Variants in WIPF1 observed in about 807,000 individuals in gnomAD.
WIPF1 encodes WAS/WASL interacting protein family member 1, also known as WAS/WASL-interacting protein family member 1.
In WIPF1, 13 loss-of-function variants were observed where a neutral mutation model predicts 35.4. The observed-to-expected ratio is 0.37, with a 90% CI of 0.24 to 0.58. WIPF1 has a LOEUF of 0.58. Among genes scored for constraint, WIPF1 ranks in the 20% least tolerant of loss-of-function variants. The pLI, the probability that WIPF1 is intolerant of heterozygous loss-of-function variation, is 0.74. For missense variants in WIPF1, 591 were observed against 667.0 expected (o/e 0.89, Z 1.25); for synonymous variants, 267 against 266.3 (o/e 1.00, Z -0.02).
intron 1 of WIPF1, among the ~76,000 whole-genome samples, chr2:174,595,109 A>AAAAATATAT (rs1553529785): frequency 1.7e-5 from 1 of 57,750 alleles, no homozygotes; most frequent in African/African-American, 9.0e-5. Flanking sequence ...AAAAAAAAAA[A>AAAAATATAT]ATATATATAT....
At chr2:174,593,240 CTCTCTGTG>C (rs1280204132) in intron 1 of WIPF1, among the ~76,000 whole-genome samples, 1 of 152,158 alleles carries the variant, frequency 6.6e-6, no homozygotes, top group Non-Finnish European at 1.5e-5. Flanking sequence ...CTCCCTCTCT[CTCTCTGTG>C]TCACACATAC....
rs147080064 is a variant in WIPF1, at chr2:174,637,539, G to A, written c.-39+45235C>T. ...CCAGTGGCTCACGCCTGTAATCCCA[G>A]CACTTTGGGAGGCCTAGGCGGGTGG... On this transcript the variant is annotated intron_variant, in intron 1 of 8. Transcript: ENST00000272746. Among the ~76,000 whole-genome samples the A allele has an allele frequency of 3.2e-4, 48 of 152,308 alleles. 1 individual carries two copies. The highest frequency in any genetic ancestry group is 1.0e-3 in the African/African-American group (43 of 41,572).
At chr2:174,660,064 TC>T (rs1311123474) in intron 1 of WIPF1, among the ~76,000 whole-genome samples, 2 of 152,184 alleles carry the variant, frequency 1.3e-5, no homozygotes, top group African/African-American at 4.8e-5. Context: ...GTAGAACTGC[TC>T]CCCAAGAGCT....
intron 1 of WIPF1, among the ~76,000 whole-genome samples, chr2:174,664,884 C>T (rs1273838480): frequency 6.6e-6 from 1 of 152,138 alleles, no homozygotes; most frequent in African/African-American, 2.4e-5. Context: ...CCTTTCGCCT[C>T]GGCCTCCAAA....
chr2:174,601,921 G>A (rs747552032), upstream of WIPF1, among the ~76,000 whole-genome samples: 8 of 152,198 alleles, frequency 5.3e-5, no homozygotes, highest in Non-Finnish European at 7.3e-5. Context: ...TTTCAGGTTC[G>A]GGTGATACCA....
intron 1 of WIPF1, among the ~76,000 whole-genome samples, chr2:174,619,204 C>G (rs1312477440): frequency 6.6e-6 from 1 of 152,220 alleles, no homozygotes; most frequent in Non-Finnish European, 1.5e-5. Flanking sequence ...CCACCTCAGC[C>G]TCCAAAGCAT....
intron 1 of WIPF1, among the ~76,000 whole-genome samples, chr2:174,641,319 C>T (rs1037525818): frequency 2.0e-5 from 3 of 152,180 alleles, no homozygotes; most frequent in Non-Finnish European, 4.4e-5. Flanking sequence ...AATATTGATG[C>T]TGAGGGGTTG....
intron 5 of WIPF1, 147 bp from the exon 6 acceptor site, chr2:174,568,220 A>G (rs1174858461): frequency 2.1e-6 from 2 of 936,052 alleles, no homozygotes; most frequent in Non-Finnish European, 3.1e-6. Context: ...AGAAATGAGT[A>G]AACACACAGA....
At chr2:174,595,109 A>AAAAAAATATATATATATAT (rs1553529785) in intron 1 of WIPF1, among the ~76,000 whole-genome samples, 1 of 57,750 alleles carries the variant, frequency 1.7e-5, no homozygotes, top group African/African-American at 9.0e-5. Flanking sequence ...AAAAAAAAAA[A>AAAAAAATATATATATATAT]ATATATATAT....
At chr2:174,569,194 T>G (rs1406653623) in intron 5 of WIPF1, among the ~76,000 whole-genome samples, 1 of 152,184 alleles carries the variant, frequency 6.6e-6, no homozygotes, top group East Asian at 1.9e-4. Flanking sequence ...CAGAATCCAA[T>G]TAGGAACCTT....
At chr2:174,583,735 T>C (rs539638652) in intron 2 of WIPF1, among the ~76,000 whole-genome samples, 14 of 152,336 alleles carry the variant, frequency 9.2e-5, no homozygotes, top group African/African-American at 2.9e-4. Context: ...GCCCACACTT[T>C]TGGGGAAACA....
chr2:174,615,020 C>A (rs1041084328), intron 1 of WIPF1, among the ~76,000 whole-genome samples: 2 of 152,146 alleles, frequency 1.3e-5, no homozygotes, highest in Non-Finnish European at 2.9e-5. Flanking sequence ...AGAACAATAG[C>A]GACATATATT....
intron 1 of WIPF1, among the ~76,000 whole-genome samples, chr2:174,656,720 C>T (rs1281221983): frequency 2.0e-5 from 3 of 152,296 alleles, no homozygotes; most frequent in African/African-American, 7.2e-5. Context: ...CTCTTACTTG[C>T]CAGCAGAGCA....
intron 3 of WIPF1, among the ~76,000 whole-genome samples, chr2:174,580,505 T>G (rs1685201151): frequency 6.6e-6 from 1 of 152,220 alleles, no homozygotes; most frequent in African/African-American, 2.4e-5. Flanking sequence ...ATCCATCTGG[T>G]GATTTTGGAA....
rs1685389517 is a variant in WIPF1, at chr2:174,585,565, G to A, written c.9C>T (p.Val3=). 1.2e-6 allele frequency: 2 copies of A among 1,611,632 alleles called. No homozygotes were observed. MP[V]PPPPAPPPPP... ...GCGGCGGGGGTGCTGGAGGGGGAGG[G>A]ACAGGCATCTTGGGCAGTTATGCGT... Residue 3 remains valine (V), a synonymous_variant, in exon 2 of 8, where the codon GTC becomes GTT. Coordinates refer to ENST00000679041, the MANE Select transcript of WIPF1 (RefSeq NM_001375834.1).
intron 1 of WIPF1, among the ~76,000 whole-genome samples, chr2:174,593,966 G>C (rs1685715300): frequency 6.6e-6 from 1 of 152,222 alleles, no homozygotes. Context: ...GCAGAGAAGA[G>C]GAAAACAGCT....
chr2:174,607,348 A>G (rs1686201508), intron 1 of WIPF1, among the ~76,000 whole-genome samples: 1 of 152,124 alleles, frequency 6.6e-6, no homozygotes, highest in South Asian at 2.1e-4. Flanking sequence ...GGTTGCAGTG[A>G]GCCGAGATCG....
intron 1 of WIPF1, among the ~76,000 whole-genome samples, chr2:174,647,582 C>A (rs1046334481): frequency 1.3e-5 from 2 of 151,010 alleles, no homozygotes; most frequent in African/African-American, 4.9e-5. Flanking sequence ...CCATGTTGGT[C>A]AGGCTAGTCT....
At chr2:174,581,172 A>G in intron 3 of WIPF1, 138 bp downstream of exon 3, 1 of 1,256,308 alleles carries the variant, frequency 8.0e-7, no homozygotes, top group Non-Finnish European at 1.1e-6. Flanking sequence ...AGGGAGTGAT[A>G]CAGTCCCTTA....
Sources: allele counts gnomAD v4.1 joint callset (sites outside exome capture counted in the v4.1 genomes callset), GRCh38; gene constraint gnomAD v4.1.1; transcripts MANE v1.5; gene names NCBI Gene and HGNC (gene_info 2026-07-23, HGNC 2026-07-21).